Variants in HTT observed in about 807,000 individuals in gnomAD.
HTT encodes huntingtin, also known as huntington disease protein.
A neutral mutation model predicts 362.3 loss-of-function variants in HTT; 104 were observed. That is an observed-to-expected ratio of 0.29 (90% confidence interval 0.24 to 0.34). The LOEUF is 0.34. Ranked by LOEUF, HTT falls within the 10% of genes least tolerant of loss-of-function variation. HTT has a pLI of 1.00. For missense variants in HTT, 3,301 were observed against 3,928.6 expected (o/e 0.84, Z 4.27); for synonymous variants, 1,577 against 1,548.7 (o/e 1.02, Z -0.43).
chr4:3,213,993 G>A lies in HTT; in HGVS notation c.6810G>A (p.Pro2270=), dbSNP rs370817761. The change falls in exon 50 of 67, where the codon CCG becomes CCA. Residue 2270 remains proline, a synonymous_variant. Coordinates refer to ENST00000355072, the MANE Select transcript of HTT (RefSeq NM_001388492.1). ...GGCATTTGATCCATGAGCAGATCCC[G>A]CTGAGTCTGGATCTCCAGGCAGGGC... The part of the protein sequence containing the change: ...LSWHLIHEQI[P]LSLDLQAGLD... 1.4e-5 allele frequency: 22 copies of A among 1,595,402 alleles called. No homozygotes were observed. Among genetic ancestry groups the A allele is most frequent in the Middle Eastern group, 1.7e-4 (1 of 6,010 alleles).
chr4:3,215,273 C>A, intron 51 of HTT, 62 bp downstream of exon 51: 1 of 1,252,822 alleles, frequency 8.0e-7, no homozygotes, highest in Non-Finnish European at 1.2e-6. Context: ...AAATCATTCA[C>A]AGAGACGTGC....
intron 2 of HTT, among the ~76,000 whole-genome samples, chr4:3,097,768 A>C (rs914032911): frequency 2.0e-5 from 3 of 152,256 alleles, no homozygotes; most frequent in Admixed American, 6.5e-5. Context: ...TCAAGAAGAT[A>C]TAGATAAGCT....
In HTT at chr4:3,206,623, C is replaced by T. The variant is rs775360501; in HGVS notation, c.5846C>T (p.Ala1949Val). Reference sequence around the variant, plus strand: ...AGTGCCGTTCATCGGAACTCTGCTGCCAGCGGCCTGTTCATCCAGGCAATT... The same window carrying T: ...AGTGCCGTTCATCGGAACTCTGCTGTCAGCGGCCTGTTCATCCAGGCAATT... ...FISAVHRNSA[A>V]SGLFIQAIQS... The change falls in exon 43 of 67, where the codon GCC (alanine) becomes GTC (valine). Residue 1949 changes from alanine (A) to valine (V), a missense_variant. Physicochemically the swap from Ala to Val is moderately conservative, Grantham distance 64. This residue lies in a region of HTT where 2,316 missense variants were observed against 2,658.5 expected (regional missense o/e 0.87). Coordinates refer to ENST00000355072, the MANE Select transcript of HTT (RefSeq NM_001388492.1). This position sits in a 1 kb window ranked among gnomAD's most constrained non-coding sequence, Gnocchi z 4.6. 9.3e-6 allele frequency: 15 copies of T among 1,614,082 alleles called. No homozygotes were observed. The highest frequency in any genetic ancestry group is 4.0e-5 in the African/African-American group (3 of 74,944).
At chr4:3,112,061 C>T (rs1714781424) in intron 6 of HTT, among the ~76,000 whole-genome samples, 1 of 152,184 alleles carries the variant, frequency 6.6e-6, no homozygotes. Flanking sequence ...GTTTTGTTGA[C>T]ACCCGTAGTC....
intron 29 of HTT, among the ~76,000 whole-genome samples, chr4:3,167,100 C>A (rs1717754135): frequency 6.6e-6 from 1 of 152,264 alleles, no homozygotes; most frequent in Non-Finnish European, 1.5e-5. Flanking sequence ...GAGGTGGAGT[C>A]TTGCTCTGTC....
intron 26 of HTT, among the ~76,000 whole-genome samples, chr4:3,150,066 A>C (rs925417543): frequency 1.3e-5 from 2 of 152,084 alleles, no homozygotes; most frequent in African/African-American, 4.8e-5. Context: ...GCCACTCCCC[A>C]GTCACTGGGT....
chr4:3,126,198 G>T (rs1715512490), intron 11 of HTT, among the ~76,000 whole-genome samples: 1 of 152,058 alleles, frequency 6.6e-6, no homozygotes, highest in Non-Finnish European at 1.5e-5. Context: ...GACTACAGGT[G>T]CCCGCCACCA....
At chr4:3,082,592 A>G (rs1712970044) in intron 1 of HTT, among the ~76,000 whole-genome samples, 1 of 152,132 alleles carries the variant, frequency 6.6e-6, no homozygotes, top group Admixed American at 6.6e-5. Flanking sequence ...GCTTGACCTG[A>G]CAAATCAGAG....
rs574542747 is a variant in HTT at position 3,169,264 on chromosome 4, C to T, written c.3865-3056C>T. ...CAATCTCCTGACCTCGTGATCTGCC[C>T]GCCTGGGCCTCCCAAAGTGCTGGGA... is the stretch of plus-strand genomic sequence containing the variant. On this transcript the variant is annotated intron_variant, in intron 29 of 66. Transcript: ENST00000355072. Among the ~76,000 whole-genome samples, 6 of 152,128 alleles carry T rather than the reference C, an allele frequency of 3.9e-5. No individual in the cohort carries two copies. In the South Asian group the frequency reaches 6.2e-4, roughly 16 times the overall value.
At chr4:3,094,010 G>C (rs1713676113) in intron 2 of HTT, among the ~76,000 whole-genome samples, 2 of 148,718 alleles carry the variant, frequency 1.3e-5, no homozygotes. Flanking sequence ...GGGAAGGTCA[G>C]CAGATAAACA....
At chr4:3,154,258 TTTTTTTG>T in intron 26 of HTT, 28 bp from the exon 27 acceptor site, 1 of 1,502,296 alleles carries the variant, frequency 6.7e-7, no homozygotes, top group Non-Finnish European at 8.9e-7. Context: ...CATGTTTTTG[TTTTTTTG>T]TTTTTTGTTT....
At chr4:3,131,830 T>G (rs1715831110) in intron 16 of HTT, 55 bp downstream of exon 16, 1 of 1,523,632 alleles carries the variant, frequency 6.6e-7, no homozygotes, top group African/African-American at 1.4e-5. Flanking sequence ...TTGTAAAAAC[T>G]ATTTCAGTAT....
intron 64 of HTT, among the ~76,000 whole-genome samples, chr4:3,237,457 C>T (rs1488010321): frequency 6.6e-6 from 1 of 152,218 alleles, no homozygotes; most frequent in African/African-American, 2.4e-5. Context: ...GGCAGACGGG[C>T]ACAGGGAGGC....
chr4:3,160,323 G>A lies in HTT; in HGVS notation c.3795G>A (p.Gly1265=), dbSNP rs370729504. Residue 1265 remains glycine (G), a synonymous_variant, in exon 29 of 67, where the codon GGG becomes GGA. Coordinates refer to ENST00000355072, the MANE Select transcript of HTT (RefSeq NM_001388492.1). ...AGAACAGCACGGAAAAGTTTGGAGG[G>A]TTTCTCCGCTCAGCCTTGGATGTTC... The part of the protein sequence containing the change: ...DLQNSTEKFG[G]FLRSALDVLS... The A allele has an allele frequency of 1.3e-6, 2 of 1,553,938 alleles. No individual in the cohort carries two copies. The highest frequency in any genetic ancestry group is 2.7e-5 in the African/African-American group (2 of 73,390).
rs1411196779 is a variant in HTT at position 3,229,997 on chromosome 4, G to A, written c.8220G>A (p.Gln2740=). The change falls in exon 60 of 67, where the codon CAG becomes CAA. Residue 2740 remains glutamine, a synonymous_variant. Coordinates refer to ENST00000355072, the MANE Select transcript of HTT (RefSeq NM_001388492.1). ...CTTCAGAAGACGAGATCCTCGCTCA[G>A]TACCTGGTGCCTGCCACCTGCAAGG... ...VHPSEDEILA[Q]YLVPATCKAA... is the part of the protein sequence containing the mutation. 5.6e-6 allele frequency: 9 copies of A among 1,614,020 alleles called. No individual in the cohort carries two copies. The South Asian group carries it at 8.8e-5, about 16-fold the overall frequency.
At position 3,217,712 on chromosome 4, in the gene HTT, G is replaced by C. The variant is rs1220233397; in HGVS notation, c.7055-53G>C. ...GTTGTAGGTCATGCTTTCTACACTG[G>C]GCATATAGGATGTGTTTTTTAAAAA... On this transcript the variant is annotated intron_variant, in intron 51 of 66. Transcript: ENST00000355072. 25 of 1,458,596 alleles carry C rather than the reference G, an allele frequency of 1.7e-5. 1 individual carries two copies. Among genetic ancestry groups the C allele is most frequent in the South Asian group, 5.0e-5 (4 of 79,710 alleles). 90.4% of individuals were successfully genotyped at this position (1,458,596 alleles called of 1,614,324 possible).
chr4:3,136,929 A>AAT (rs1409630616), intron 21 of HTT, among the ~76,000 whole-genome samples: 1 of 138,858 alleles, frequency 7.2e-6, no homozygotes, highest in African/African-American at 2.7e-5. Flanking sequence ...TTTTTTTTTT[A>AAT]TTTTTTTTTT....
At chr4:3,210,573 C>T (rs1450480064) in intron 47 of HTT, among the ~76,000 whole-genome samples, 1 of 151,944 alleles carries the variant, frequency 6.6e-6, no homozygotes, top group African/African-American at 2.4e-5. Context: ...GCCTTGGTGT[C>T]CCTGTCCCTC....
intron 12 of HTT, 56 bp from the exon 13 acceptor site, chr4:3,129,868 C>T: frequency 6.2e-7 from 1 of 1,610,566 alleles, no homozygotes; most frequent in Non-Finnish European, 8.5e-7. Context: ...TGTTGGAGGG[C>T]TTGTCTCTTG....
Sources: gnomAD v4.1 joint callset for allele counts (sites outside exome capture counted in the v4.1 genomes callset) on GRCh38, gnomAD v4.1.1 for gene constraint, gnomAD v4.1.1 regional missense constraint, Gnocchi (gnomAD v3.1) non-coding constraint, MANE v1.5 for transcripts, NCBI Gene and HGNC (gene_info 2026-07-23, HGNC 2026-07-21) for gene names.